The following RGS6 variants were observed in gnomAD, a reference collection of about 807,000 sequenced individuals.
RGS6 encodes regulator of G protein signaling 6, also known as regulator of G-protein signaling 6.
A neutral mutation model predicts 78.5 loss-of-function variants in RGS6; 30 were observed. The ratio of observed to expected loss-of-function variants is 0.38; its 90% CI spans 0.29 to 0.52. The LOEUF (loss-of-function observed/expected upper bound fraction) is 0.52, where lower values mean the gene tolerates loss of function less well. Ranked by LOEUF, RGS6 falls within the 20% of genes least tolerant of loss-of-function variation. The pLI, the probability that RGS6 is intolerant of heterozygous loss-of-function variation, is 0.85. For synonymous variants in RGS6, 206 were observed against 206.0 expected (o/e 1.00, Z 0.00); for missense variants, 495 against 609.7 (o/e 0.81, Z 1.98).
chr14:72,337,277 C>G (rs1445250877), intron 2 of RGS6, among the ~76,000 whole-genome samples: 1 of 151,628 alleles, frequency 6.6e-6, no homozygotes, highest in African/African-American at 2.4e-5. Flanking sequence ...CCAACACCCC[C>G]TCCCCTGTAA....
chr14:72,415,639 G>A (rs1208179419), intron 3 of RGS6, among the ~76,000 whole-genome samples: 1 of 152,194 alleles, frequency 6.6e-6, no homozygotes, highest in South Asian at 2.1e-4. Flanking sequence ...GTCATGCTGG[G>A]AGCTGTAGAC....
At chr14:72,297,688 T>C (rs1038529470) in intron 2 of RGS6, among the ~76,000 whole-genome samples, 1 of 149,836 alleles carries the variant, frequency 6.7e-6, no homozygotes, top group African/African-American at 2.4e-5. Context: ...GGTTTTTTGT[T>C]CTTGCGATAG....
intron 3 of RGS6, among the ~76,000 whole-genome samples, chr14:72,417,748 G>T (rs1717512071): frequency 6.6e-6 from 1 of 152,204 alleles, no homozygotes; most frequent in South Asian, 2.1e-4. Context: ...GGGCTTAAAT[G>T]AGTTCATCTG....
chr14:72,361,083 C>CTTTT (rs56251149), intron 3 of RGS6, among the ~76,000 whole-genome samples: 6,288 of 138,034 alleles, frequency 0.046, 189 homozygotes, highest in East Asian at 0.17. Context: ...AATCAAACCT[C>CTTTT]TTTTTTTTTT....
At chr14:72,347,673 A>T (rs375791978) in intron 2 of RGS6, among the ~76,000 whole-genome samples, 28 of 152,326 alleles carry the variant, frequency 1.8e-4, no homozygotes, top group African/African-American at 6.5e-4. Flanking sequence ...AACTAATGTT[A>T]ACTAAGAAAA....
chr14:72,236,791 T>A (rs1446141771), intron 2 of RGS6, among the ~76,000 whole-genome samples: 1 of 152,034 alleles, frequency 6.6e-6, no homozygotes, highest in Non-Finnish European at 1.5e-5. Flanking sequence ...ACTTCCCAGA[T>A]GGCAGGGGGC....
rs574039929 is a variant in RGS6 at position 72,031,549 on chromosome 14, G to A, written c.84+66674G>A. 1.5e-3 allele frequency among the ~76,000 whole-genome samples: 233 copies of A among 152,274 alleles called. 3 individuals are homozygous for A. The highest frequency in any genetic ancestry group is 5.4e-3 in the African/African-American group (223 of 41,556). On this transcript the variant is annotated intron_variant, in intron 2 of 17. Coordinates refer to ENST00000553525, the MANE Select transcript of RGS6 (RefSeq NM_001204424.2). ...AAAGGTTTATTACATGGATAATGTA[G>A]ATCAACAGGAAACTGCTCATTGGAA...
At chr14:72,538,032 A>G (rs1368338113) in intron 16 of RGS6, among the ~76,000 whole-genome samples, 2 of 152,238 alleles carry the variant, frequency 1.3e-5, no homozygotes, top group Non-Finnish European at 2.9e-5. Context: ...TCCCGAAGTA[A>G]GGGATGTTCT....
At chr14:72,093,673 A>G (rs1355129942) in intron 2 of RGS6, among the ~76,000 whole-genome samples, 1 of 152,180 alleles carries the variant, frequency 6.6e-6, no homozygotes, top group African/African-American at 2.4e-5. Context: ...ACTCTGTTGT[A>G]TGAATCCCCT....
At position 72,563,498 on chromosome 14, in the gene RGS6, TGTGA is replaced by T. The variant is rs2097695896; in HGVS notation, c.*1032_*1035del. On this transcript the variant is annotated 3_prime_UTR_variant, in exon 18 of 18. Coordinates refer to ENST00000553525, the MANE Select transcript of RGS6 (RefSeq NM_001204424.2). ...CTTGCTGGGTCAGGTCTCCTTTGTG[TGTGA>T]AGCTGGGGCAGAGTATGCTACGAAG... The T allele has an allele frequency of 6.6e-6, 1 of 152,438 alleles. No homozygotes were observed. Among genetic ancestry groups the T allele is most frequent in the Non-Finnish European group, 1.5e-5 (1 of 68,294 alleles). 9.4% of individuals were successfully genotyped at this position (152,438 alleles called of 1,614,324 possible).
intron 2 of RGS6, among the ~76,000 whole-genome samples, chr14:72,283,895 A>G (rs1221202081): frequency 6.6e-6 from 1 of 152,222 alleles, no homozygotes; most frequent in African/African-American, 2.4e-5. Context: ...CAAAATGCTG[A>G]TAGTGATATG....
chr14:72,400,416 C>G (rs1034270773), intron 3 of RGS6, among the ~76,000 whole-genome samples: 7 of 152,136 alleles, frequency 4.6e-5, no homozygotes, highest in Admixed American at 4.6e-4. Context: ...TTCTCTATCA[C>G]CCACCTCCTG....
At chr14:72,212,609 A>G (rs1298629591) in intron 2 of RGS6, among the ~76,000 whole-genome samples, 1 of 152,180 alleles carries the variant, frequency 6.6e-6, no homozygotes, top group African/African-American at 2.4e-5. Context: ...GCTTTCTGTG[A>G]CATCTCTCCC....
intron 2 of RGS6, among the ~76,000 whole-genome samples, chr14:72,318,722 G>A (rs1018290110): frequency 3.3e-5 from 5 of 152,100 alleles, no homozygotes; most frequent in African/African-American, 1.2e-4. Flanking sequence ...AAAGGATGAC[G>A]CCAATAAGCC....
At position 72,532,467 on chromosome 14, in the gene RGS6, A is replaced by G. The variant is rs939358533; in HGVS notation, c.1279-3719A>G. 2.6e-4 allele frequency among the ~76,000 whole-genome samples: 39 copies of G among 152,354 alleles called. 1 individual carries two copies. Among genetic ancestry groups the G allele is most frequent in the Admixed American group, 3.9e-4 (6 of 15,306 alleles). ...ATTAATAACTCTGCAGTGGTCTCTA[A>G]GTGTTCAGGCAAAAGGAACAGTCGC... On this transcript the variant is annotated intron_variant, in intron 15 of 17. Coordinates refer to ENST00000553525, the MANE Select transcript of RGS6 (RefSeq NM_001204424.2).
intron 2 of RGS6, among the ~76,000 whole-genome samples, chr14:72,174,697 C>G (rs956980258): frequency 6.6e-6 from 1 of 152,104 alleles, no homozygotes; most frequent in African/African-American, 2.4e-5. Context: ...CTAGGAGCCT[C>G]CCAACTACCC....
chr14:72,100,877 G>A (rs1262327740), intron 2 of RGS6, among the ~76,000 whole-genome samples: 5 of 152,116 alleles, frequency 3.3e-5, no homozygotes, highest in South Asian at 2.1e-4. Flanking sequence ...ATGTATGTTC[G>A]GCCAGGCACA....
chr14:72,281,570 G>C (rs2061588332), intron 2 of RGS6, among the ~76,000 whole-genome samples: 1 of 126,328 alleles, frequency 7.9e-6, no homozygotes, highest in African/African-American at 2.7e-5. Context: ...ATAAAAGGGG[G>C]TGATGGGATC....
chr14:72,562,524 C>T lies in RGS6; in HGVS notation c.*57C>T, dbSNP rs1003959727. 1.4e-5 allele frequency: 22 copies of T among 1,603,452 alleles called. No homozygotes were observed. Among genetic ancestry groups the T allele is most frequent in the Admixed American group, 3.4e-5 (2 of 59,644 alleles). The stretch of plus-strand genomic sequence containing the variant: ...CGCGGACCCCACAGGCAGGCGGCGG[C>T]GCTCCACATCTGCGGACAGAGTTTC... On this transcript the variant is annotated 3_prime_UTR_variant, in exon 18 of 18. Coordinates refer to ENST00000553525, the MANE Select transcript of RGS6 (RefSeq NM_001204424.2).
Sources: allele counts gnomAD v4.1 joint callset (sites outside exome capture counted in the v4.1 genomes callset), GRCh38; gene constraint gnomAD v4.1.1; transcripts MANE v1.5; gene names NCBI Gene and HGNC (gene_info 2026-07-23, HGNC 2026-07-21).